The following LMNA variants were observed in gnomAD, a reference collection of about 807,000 sequenced individuals.
LMNA encodes the protein lamin A/C.
In LMNA, 20 loss-of-function variants were observed where a neutral mutation model predicts 70.4. The observed-to-expected ratio is 0.28, with a 90% CI of 0.20 to 0.41. LMNA has a LOEUF of 0.41. LMNA is among the 10% of genes least tolerant of loss of function. LMNA has a pLI of 1.00. For synonymous variants in LMNA, 339 were observed against 372.8 expected, an observed-to-expected ratio of 0.91 and a Z score of 1.04; for missense variants, 652 against 917.2, an observed-to-expected ratio of 0.71 and a Z score of 3.73.
chr1:156,098,721 A>T (rs1298451911), intron 3 of LMNA, among the ~76,000 whole-genome samples: 1 of 152,096 alleles, frequency 6.6e-6, no homozygotes, highest in African/African-American at 2.4e-5. Context: ...CTGTGGGGTG[A>T]CATGAATGTT....
intron 1 of LMNA, chr1:156,126,693 T>C (rs1196635492): frequency 6.6e-7 from 1 of 1,522,734 alleles, no homozygotes; most frequent in South Asian, 1.2e-5. Context: ...TTTTCCTCTC[T>C]GTTCCCCTCC....
At chr1:156,127,090 AC>A in intron 1 of LMNA, 1 of 649,440 alleles carries the variant, frequency 1.5e-6, no homozygotes, top group Non-Finnish European at 2.6e-6. Flanking sequence ...CCTGATGCCA[AC>A]CCCCAGTGGA....
In LMNA at chr1:156,103,694, C is replaced by T. The variant is rs1218852813; in HGVS notation, c.-206-11019C>T. On this transcript the variant is annotated intron_variant, in intron 3 of 12. Transcript: ENST00000368301. This position sits in a 1 kb window ranked among gnomAD's most constrained non-coding sequence, Gnocchi z 4.7. ...CCAGTTTCTGACTAATCCTTTCCATCGGCAGTGGCATGTCCTGCCCCTGCT... is the reference window on the plus strand; with the variant it reads ...CCAGTTTCTGACTAATCCTTTCCATTGGCAGTGGCATGTCCTGCCCCTGCT... Among the ~76,000 whole-genome samples the T allele has an allele frequency of 2.0e-5, 3 of 152,166 alleles. No homozygotes were observed. The highest frequency in any genetic ancestry group is 2.9e-5 in the Non-Finnish European group (2 of 68,028).
chr1:156,120,706 G>A (rs1170069881), intron 1 of LMNA, among the ~76,000 whole-genome samples: 2 of 152,028 alleles, frequency 1.3e-5, no homozygotes, highest in African/African-American at 2.4e-5. Context: ...GAAAGACCCT[G>A]TCTCTGAAAA....
Position 156,134,272 on chromosome 1 carries a change from C to G in LMNA, c.514-131C>G. On this transcript the variant is annotated intron_variant, in intron 2 of 11. Transcript: ENST00000368300. The surrounding 1 kb of genome is among the most constrained non-coding windows in gnomAD (Gnocchi z 5.3). Reference sequence around the variant, plus strand: ...AGATGTCCTGACCCCTGCAGGCATCCAAGGCCCTCCTTCCCTGGACCTGTT... The same window carrying G: ...AGATGTCCTGACCCCTGCAGGCATCGAAGGCCCTCCTTCCCTGGACCTGTT... 3.0e-6 allele frequency: 3 copies of G among 995,052 alleles called. No homozygotes were observed. Among genetic ancestry groups the G allele is most frequent in the Non-Finnish European group, 4.6e-6 (3 of 650,988 alleles). 61.6% of individuals were successfully genotyped at this position (995,052 alleles called of 1,614,324 possible). A position where few individuals can be genotyped will look rare whatever the true frequency, so the allele number is the denominator to read the frequency against.
chr1:156,109,747 G>A (rs1326905304), upstream of LMNA: 1 of 151,912 alleles, frequency 6.6e-6, no homozygotes, highest in South Asian at 2.1e-4. Context: ...TTGTTAAAAT[G>A]TAAGTTATTC....
At chr1:156,105,191 C>T (rs1461663308) in intron 3 of LMNA, among the ~76,000 whole-genome samples, 3 of 152,328 alleles carry the variant, frequency 2.0e-5, no homozygotes, top group East Asian at 3.9e-4. Context: ...TGGGGTGCTC[C>T]TCTGGGGCGG....
intron 1 of LMNA, among the ~76,000 whole-genome samples, chr1:156,122,644 A>T (rs2102838289): frequency 6.6e-6 from 1 of 152,356 alleles, no homozygotes; most frequent in African/African-American, 2.4e-5. Context: ...GCTGTGTCAT[A>T]GAGTAGGAAC....
chr1:156,132,837 CTTTTTTTTTT>C (rs34451254), intron 2 of LMNA, among the ~76,000 whole-genome samples: 38 of 93,078 alleles, frequency 4.1e-4, no homozygotes, highest in Non-Finnish European at 7.6e-4. Context: ...CTCTCTCTCT[CTTTTTTTTTT>C]TTTTTTTTTT....
rs572293934 is a variant in LMNA at position 156,129,795 on chromosome 1, A to G, written c.357-822A>G. 1.8e-4 allele frequency: 137 copies of G among 741,074 alleles called. No homozygotes were observed. In the East Asian group the frequency reaches 3.4e-3, roughly 19 times the overall value. The allele number at this position is 741,074 out of a possible 1,614,324, so 45.9% of individuals were successfully genotyped here. A position where few individuals can be genotyped will look rare whatever the true frequency, so the allele number is the denominator to read the frequency against. On this transcript the variant is annotated intron_variant, in intron 1 of 11. Transcript: ENST00000368300. Reference sequence around the variant, plus strand: ...CAGAGGCAGCGCTGTTCGACTGGTTATAGCTAAAGCTTTACCCACTTTGAG... The same window carrying G: ...CAGAGGCAGCGCTGTTCGACTGGTTGTAGCTAAAGCTTTACCCACTTTGAG...
rs1558110980 is a variant in LMNA at position 156,103,401 on chromosome 1, G to A, written c.-206-11312G>A. On this transcript the variant is annotated intron_variant, in intron 3 of 12. Transcript: ENST00000368301. The surrounding 1 kb of genome is among the most constrained non-coding windows in gnomAD (Gnocchi z 4.7). ...CCAGTATGCCCCTCTTGTGTGCTGG[G>A]CCCTCGCACTTCCTCTGTCTGGGAC... Among the ~76,000 whole-genome samples the A allele has an allele frequency of 6.6e-6, 1 of 152,110 alleles. No individual in the cohort carries two copies. The highest frequency in any genetic ancestry group is 1.5e-5 in the Non-Finnish European group (1 of 68,010).
intron 2 of LMNA, among the ~76,000 whole-genome samples, chr1:156,086,426 T>TCTCTCTCTCTCTCTC (rs1375166588): frequency 1.0e-5 from 1 of 95,814 alleles, no homozygotes. Context: ...CTCTCTCTCT[T>TCTCTCTCTCTCTCTC]TTGTCTTTCT....
At chr1:156,105,458 C>T (rs952599332) in intron 3 of LMNA, among the ~76,000 whole-genome samples, 1 of 152,092 alleles carries the variant, frequency 6.6e-6, no homozygotes, top group Non-Finnish European at 1.5e-5. Flanking sequence ...CCTTGCTCCA[C>T]CCCAGCGGCC....
chr1:156,135,735 G>A lies in LMNA; in HGVS notation c.937-166G>A. 1.5e-6 allele frequency: 1 copy of A among 648,132 alleles called. No homozygotes were observed. The highest frequency in any genetic ancestry group is 2.7e-5 in the East Asian group (1 of 36,696). 40.1% of individuals were successfully genotyped at this position (648,132 alleles called of 1,614,324 possible). On this transcript the variant is annotated intron_variant, in intron 5 of 11. Coordinates refer to ENST00000368300, the MANE Select transcript of LMNA (RefSeq NM_170707.4). This position sits in a 1 kb window ranked among gnomAD's most constrained non-coding sequence, Gnocchi z 4.8. ...CTTCCCAGTTGCCAGCCAAGACTAT[G>A]TTTAGAGCTTGTGATGTTCAGAGCT...
upstream of LMNA, among the ~76,000 whole-genome samples, chr1:156,114,151 C>T (rs1238806358): frequency 1.3e-5 from 2 of 152,208 alleles, no homozygotes; most frequent in Non-Finnish European, 2.9e-5. Flanking sequence ...CCCAGGGAAC[C>T]CAGGCATTCC....
At position 156,138,877 on chromosome 1, in the gene LMNA, G is replaced by A; in HGVS notation, c.1968+120G>A. 1 of 1,410,552 alleles carries A rather than the reference G, an allele frequency of 7.1e-7. No individual in the cohort carries two copies. Among genetic ancestry groups the A allele is most frequent in the Non-Finnish European group, 9.9e-7 (1 of 1,011,332 alleles). 87.4% of individuals were successfully genotyped at this position (1,410,552 alleles called of 1,614,324 possible). ...TTCTCTTCCGCAGCCCGGGGGAGTG[G>A]GAGCCTCCTCCCCACAGCCTGAGTC... On this transcript the variant is annotated intron_variant, in intron 11 of 11. Coordinates refer to ENST00000368300, the MANE Select transcript of LMNA (RefSeq NM_170707.4). The surrounding 1 kb of genome is among the most constrained non-coding windows in gnomAD (Gnocchi z 5.5).
chr1:156,089,835 G>A (rs1648626828), intron 2 of LMNA, among the ~76,000 whole-genome samples: 1 of 152,234 alleles, frequency 6.6e-6, no homozygotes, highest in African/African-American at 2.4e-5. Context: ...GTAGCTCAGA[G>A]GGGCTGGGGT....
Position 156,088,017 on chromosome 1 carries a change from G to A in LMNA, c.-318-2454G>A, listed in dbSNP as rs577296231. ...CTCCTGAGTAGCTGGGACTACAGGC[G>A]CGCACCACCACACCCAGCTAATTTT... On this transcript the variant is annotated intron_variant, in intron 2 of 12. Coordinates refer to the LMNA transcript ENST00000368301. 1.3e-4 allele frequency among the ~76,000 whole-genome samples: 19 copies of A among 151,772 alleles called. No individual in the cohort carries two copies. The East Asian group carries it at 2.1e-3, about 17-fold the overall frequency.
intron 1 of LMNA, chr1:156,126,706 A>C (rs1650610786): frequency 6.5e-7 from 1 of 1,542,120 alleles, no homozygotes; most frequent in Non-Finnish European, 8.8e-7. Context: ...TCCCCTCCCC[A>C]CCCCCTCTCT....
Sources: gnomAD v4.1 joint callset for allele counts (sites outside exome capture counted in the v4.1 genomes callset) on GRCh38, gnomAD v4.1.1 for gene constraint, Gnocchi (gnomAD v3.1) non-coding constraint, MANE v1.5 for transcripts, NCBI Gene and HGNC (gene_info 2026-07-23, HGNC 2026-07-21) for gene names.